Variants in DYNC2LI1 observed in about 807,000 individuals in gnomAD.
The protein encoded by DYNC2LI1 is dynein cytoplasmic 2 light intermediate chain 1, also known as cytoplasmic dynein 2 light intermediate chain 1.
A neutral mutation model predicts 51.9 loss-of-function variants in DYNC2LI1; 45 were observed. The observed-to-expected ratio is 0.87, with a 90% CI of 0.68 to 1.11. The LOEUF (loss-of-function observed/expected upper bound fraction) is 1.11, where lower values mean the gene tolerates loss of function less well. Ranked by LOEUF, DYNC2LI1 falls within the 50% of genes most tolerant of loss-of-function variation. The pLI, the probability that DYNC2LI1 is intolerant of heterozygous loss-of-function variation, is 0.00. For synonymous variants in DYNC2LI1, 130 were observed against 137.8 expected (o/e 0.94, Z 0.40); for missense variants, 490 against 417.4 (o/e 1.17, Z -1.51).
chr2:43,798,216 G>A (rs10201698), intron 8 of DYNC2LI1, among the ~76,000 whole-genome samples: 3 of 151,948 alleles, frequency 2.0e-5, no homozygotes, highest in South Asian at 2.1e-4. Context: ...TGGTCTAGCC[G>A]CTTGCTTTCA....
intron 2 of DYNC2LI1, among the ~76,000 whole-genome samples, chr2:43,778,017 T>A (rs1482915056): frequency 6.6e-6 from 1 of 152,246 alleles, no homozygotes; most frequent in Non-Finnish European, 1.5e-5. Flanking sequence ...AATGTTTTTA[T>A]TTTGTTTTTA....
intron 1 of DYNC2LI1, chr2:43,775,639 G>A (rs940562003): frequency 3.8e-5 from 13 of 339,212 alleles, no homozygotes; most frequent in African/African-American, 2.3e-4. Context: ...CTGGGACCAC[G>A]AGTGCATGTC....
At chr2:43,822,855 G>A in the DYNC2LI1 span, 2 of 1,614,076 alleles carry the variant, frequency 1.2e-6, no homozygotes, top group East Asian at 2.2e-5. Flanking sequence ...AGGACGTGCA[G>A]TGCATAGGCC....
At chr2:43,793,245 G>A (rs1252148888) in intron 5 of DYNC2LI1, 6 of 152,428 alleles carry the variant, frequency 3.9e-5, no homozygotes, top group African/African-American at 1.4e-4. Context: ...AGGCTGAGGT[G>A]GGTAGATCAC....
At chr2:43,822,344 G>A in the DYNC2LI1 span, among the ~76,000 whole-genome samples, 1 of 152,078 alleles carries the variant, frequency 6.6e-6, no homozygotes, top group Non-Finnish European at 1.5e-5. Flanking sequence ...CCTCTCTGAT[G>A]CTGCCCAATC....
Position 43,795,744 on chromosome 2 carries a change from A to G in DYNC2LI1, c.508-146A>G. The G allele has an allele frequency of 4.7e-6, 3 of 634,310 alleles. No individual in the cohort carries two copies. The South Asian group carries it at 6.0e-5, about 13-fold the overall frequency. The allele number at this position is 634,310 out of a possible 1,614,324, so 39.3% of individuals were successfully genotyped here. A position where few individuals can be genotyped will look rare whatever the true frequency, so the allele number is the denominator to read the frequency against. Reference sequence around the variant, plus strand: ...AATATAGCTTAGGAAGTGAAAGTTAAATATTAGAACAAATTCTATGTCAAG... The same window carrying G: ...AATATAGCTTAGGAAGTGAAAGTTAGATATTAGAACAAATTCTATGTCAAG... On this transcript the variant is annotated intron_variant, in intron 6 of 12. Coordinates refer to ENST00000260605, the MANE Select transcript of DYNC2LI1 (RefSeq NM_016008.4).
chr2:43,823,194 C>G, the DYNC2LI1 span, among the ~76,000 whole-genome samples: 2 of 152,076 alleles, frequency 1.3e-5, no homozygotes. Flanking sequence ...GAGTTGTCAC[C>G]AATTCACGAA....
At chr2:43,805,493 T>C (rs1337828647) in intron 12 of DYNC2LI1, 1 of 233,078 alleles carries the variant, frequency 4.3e-6, no homozygotes, top group South Asian at 1.1e-4. Flanking sequence ...CATGACTTAG[T>C]GTTCACATAA....
chr2:43,787,084 A>G, intron 3 of DYNC2LI1, 97 bp from the exon 4 acceptor site: 1 of 935,206 alleles, frequency 1.1e-6, no homozygotes, highest in Non-Finnish European at 1.7e-6. Context: ...TCTACTAATA[A>G]AGTTTTCAAG....
the DYNC2LI1 span, among the ~76,000 whole-genome samples, chr2:43,819,336 T>A: frequency 6.6e-6 from 1 of 152,108 alleles, no homozygotes; most frequent in Admixed American, 6.5e-5. Flanking sequence ...TACAGAACAT[T>A]GATAAAATAC....
chr2:43,819,851 A>G, the DYNC2LI1 span: 4 of 1,549,308 alleles, frequency 2.6e-6, no homozygotes, highest in Non-Finnish European at 3.6e-6. Flanking sequence ...TACTTCAGTC[A>G]TTATTAGGTG....
chr2:43,813,117 T>TA, downstream of DYNC2LI1: 1 of 1,165,528 alleles, frequency 8.6e-7, no homozygotes, highest in Non-Finnish European at 1.3e-6. Context: ...TGGCTTTCAC[T>TA]ACCTGCTAAT....
chr2:43,783,685 C>G, intron 3 of DYNC2LI1, 131 bp downstream of exon 3: 1 of 568,028 alleles, frequency 1.8e-6, no homozygotes, highest in East Asian at 3.2e-5. Flanking sequence ...TTAGCAAATC[C>G]TTAGTATAAC....
chr2:43,775,331 C>A (rs906996107), intron 1 of DYNC2LI1, among the ~76,000 whole-genome samples: 2 of 152,156 alleles, frequency 1.3e-5, no homozygotes, highest in African/African-American at 4.8e-5. Context: ...CCTATCAGGT[C>A]TTGCCCATGG....
chr2:43,810,322 A>G, downstream of DYNC2LI1: 1 of 979,308 alleles, frequency 1.0e-6, no homozygotes, highest in Non-Finnish European at 1.2e-6. Context: ...AATCAGCACC[A>G]ATTTCACCCT....
At chr2:43,801,042 T>C in intron 9 of DYNC2LI1, 125 bp downstream of exon 9, 1 of 354,090 alleles carries the variant, frequency 2.8e-6, no homozygotes, top group Non-Finnish European at 5.1e-6. Context: ...ATGGCTTTTC[T>C]TAAAGGGATA....
At chr2:43,823,052 G>T in the DYNC2LI1 span, 2 of 1,420,692 alleles carry the variant, frequency 1.4e-6, no homozygotes, top group Middle Eastern at 2.0e-4. Context: ...CAGCTAGGGG[G>T]GTTCCCTAGT....
At chr2:43,794,965 A>T in intron 6 of DYNC2LI1, 1 of 1,249,210 alleles carries the variant, frequency 8.0e-7, no homozygotes, top group Non-Finnish European at 1.0e-6. Context: ...GCCAGATTGT[A>T]CAAAAGTCAC....
chr2:43,827,339 A>C, the DYNC2LI1 span, among the ~76,000 whole-genome samples: 3 of 151,948 alleles, frequency 2.0e-5, no homozygotes, highest in Non-Finnish European at 4.4e-5. Flanking sequence ...AAAAAAAAAA[A>C]AAAGTGACAA....
Sources: allele counts gnomAD v4.1 joint callset (sites outside exome capture counted in the v4.1 genomes callset), GRCh38; gene constraint gnomAD v4.1.1; transcripts MANE v1.5; gene names NCBI Gene and HGNC (gene_info 2026-07-23, HGNC 2026-07-21).